TANGO6: variants seen among roughly 807,000 people sequenced by gnomAD.
TANGO6 encodes the protein transport and golgi organization 6 homolog, also known as transport and Golgi organization protein 6 homolog.
Under a neutral mutation model 114.2 loss-of-function variants are expected in TANGO6, and 90 were observed. The observed-to-expected ratio is 0.79, with a 90% confidence interval of 0.66 to 0.94. TANGO6 has a LOEUF of 0.94. Ranked by LOEUF, TANGO6 falls within the 40% of genes least tolerant of loss-of-function variation. TANGO6 has a pLI of 0.00. For synonymous variants in TANGO6, 477 were observed against 509.8 expected (o/e 0.94, Z 0.87); for missense variants, 1,274 against 1,315.3 (o/e 0.97, Z 0.49).
chr16:68,964,836 T>C (rs1186308365), intron 14 of TANGO6, among the ~76,000 whole-genome samples: 2 of 152,138 alleles, frequency 1.3e-5, no homozygotes, highest in Non-Finnish European at 2.9e-5. Flanking sequence ...TCTCAAATGC[T>C]GGGATTACAG....
At position 68,856,905 on chromosome 16, in the gene TANGO6, C is replaced by T. The variant is rs944381676; in HGVS notation, c.95-2979C>T. Among the ~76,000 whole-genome samples, 5 of 152,086 alleles carry T rather than the reference C, an allele frequency of 3.3e-5. No homozygotes were observed. The East Asian group carries it at 5.8e-4, about 18-fold the overall frequency. On this transcript the variant is annotated intron_variant, in intron 1 of 17. Coordinates refer to ENST00000261778, the MANE Select transcript of TANGO6 (RefSeq NM_024562.2). ...TGGGCGGATCACGAGGTCAGGAGAT[C>T]GAGACCGTCCTGGCTAACACGGTGA... is the stretch of plus-strand genomic sequence containing the variant.
rs1460119386 is a variant in TANGO6, at chr16:68,880,580, A to G, written c.1327A>G (p.Ile443Val). Residue 443 changes from isoleucine to valine, a missense_variant, in exon 7 of 18, where the codon ATT becomes GTT. Physicochemically the swap from Ile to Val is conservative, Grantham distance 29. This residue lies in a region of TANGO6 where 908 missense variants were observed against 910.2 expected (regional missense o/e 1.00). Transcript: ENST00000261778. ...LSESDMVPGT[I>V]LVTEEELSRC... is the part of the protein sequence containing the mutation. ...AGAGAGTGACATGGTACCAGGAACT[A>G]TTTTGGTGACAGAAGAAGAACTTAG... 6.2e-7 allele frequency: 1 copy of G among 1,612,918 alleles called. No homozygotes were observed. Among genetic ancestry groups the G allele is most frequent in the Non-Finnish European group, 8.5e-7 (1 of 1,179,420 alleles).
intron 17 of TANGO6, among the ~76,000 whole-genome samples, chr16:69,069,973 G>T (rs539836147): frequency 6.6e-6 from 1 of 150,854 alleles, no homozygotes; most frequent in Non-Finnish European, 1.5e-5. Flanking sequence ...TTGGGAGGCC[G>T]AGGCGGGCAG....
At chr16:68,950,609 C>G (rs1963462504) in intron 14 of TANGO6, among the ~76,000 whole-genome samples, 1 of 150,702 alleles carries the variant, frequency 6.6e-6, no homozygotes, top group African/African-American at 2.4e-5. Context: ...ACCTGTAGTC[C>G]CAGCACTTTG....
chr16:68,855,980 A>G (rs975566743), intron 1 of TANGO6, among the ~76,000 whole-genome samples: 2 of 151,698 alleles, frequency 1.3e-5, no homozygotes, highest in Non-Finnish European at 1.5e-5. Flanking sequence ...TATTGCTTGT[A>G]TTCTGTGAAC....
chr16:68,893,971 C>T (rs1218407430), intron 7 of TANGO6, among the ~76,000 whole-genome samples: 3 of 152,140 alleles, frequency 2.0e-5, no homozygotes, highest in Non-Finnish European at 4.4e-5. Context: ...TCAGGCCCTG[C>T]CCTCCATGGG....
At chr16:68,912,980 T>G (rs139575245) in intron 11 of TANGO6, among the ~76,000 whole-genome samples, 1 of 148,010 alleles carries the variant, frequency 6.8e-6, no homozygotes, top group Non-Finnish European at 1.5e-5. Flanking sequence ...TTCGGAAGGC[T>G]GAGGCATGAA....
intron 12 of TANGO6, among the ~76,000 whole-genome samples, chr16:68,922,243 A>T (rs954748214): frequency 5.7e-5 from 8 of 141,142 alleles, no homozygotes; most frequent in Non-Finnish European, 1.1e-4. Flanking sequence ...AAACAAAATT[A>T]AAAAAAAAAA....
At chr16:68,876,684 GGT>G (rs2152168336) in intron 5 of TANGO6, among the ~76,000 whole-genome samples, 1 of 152,122 alleles carries the variant, frequency 6.6e-6, no homozygotes, top group African/African-American at 2.4e-5. Flanking sequence ...GGCCAAGCGT[GGT>G]GGTGCACACC....
chr16:68,920,777 C>G (rs1384098657), intron 12 of TANGO6, among the ~76,000 whole-genome samples: 6 of 151,836 alleles, frequency 4.0e-5, no homozygotes, highest in African/African-American at 1.5e-4. Flanking sequence ...CTTAGCACTT[C>G]TAATTATATA....
intron 15 of TANGO6, among the ~76,000 whole-genome samples, chr16:68,992,095 G>T (rs1442033120): frequency 6.6e-6 from 1 of 151,994 alleles, no homozygotes; most frequent in Non-Finnish European, 1.5e-5. Flanking sequence ...TAATATATAT[G>T]AAATCGCTTA....
At chr16:68,968,920 T>C (rs543724651) in intron 14 of TANGO6, among the ~76,000 whole-genome samples, 1 of 152,232 alleles carries the variant, frequency 6.6e-6, no homozygotes, top group East Asian at 1.9e-4. Flanking sequence ...TCCGCCCGCC[T>C]CGGCCTCCCA....
At chr16:68,963,527 G>T (rs1295119517) in intron 14 of TANGO6, among the ~76,000 whole-genome samples, 1 of 152,136 alleles carries the variant, frequency 6.6e-6, no homozygotes, top group Non-Finnish European at 1.5e-5. Context: ...TATAAATAAA[G>T]TGCTTACACA....
intron 14 of TANGO6, chr16:68,973,183 C>T (rs1963726482): frequency 2.2e-6 from 1 of 455,754 alleles, no homozygotes; most frequent in Non-Finnish European, 4.4e-6. Flanking sequence ...ATTGGAGAAA[C>T]CCAAAGCAGA....
At chr16:68,898,946 C>A (rs1567534841) in intron 7 of TANGO6, among the ~76,000 whole-genome samples, 4 of 144,988 alleles carry the variant, frequency 2.8e-5, no homozygotes, top group South Asian at 2.3e-4. Flanking sequence ...AATTATCTGC[C>A]TTATTATTAT....
chr16:69,003,237 A>G (rs917352953), intron 15 of TANGO6, among the ~76,000 whole-genome samples: 1 of 152,164 alleles, frequency 6.6e-6, no homozygotes, highest in South Asian at 2.1e-4. Flanking sequence ...AGCAGTTTTT[A>G]TAAGATCTAG....
intron 17 of TANGO6, among the ~76,000 whole-genome samples, chr16:69,081,311 C>A (rs958510838): frequency 6.6e-6 from 1 of 151,468 alleles, no homozygotes; most frequent in African/African-American, 2.4e-5. Flanking sequence ...CACATGACCC[C>A]CTGTGGCCCA....
rs542778150 is a variant in TANGO6 at position 68,935,823 on chromosome 16, A to T, written c.2701+5528A>T. Among the ~76,000 whole-genome samples, 227 of 152,328 alleles carry T rather than the reference A, an allele frequency of 1.5e-3. 1 individual carries two copies. Among genetic ancestry groups the T allele is most frequent in the Admixed American group, 3.5e-3 (54 of 15,300 alleles). ...TTCTCAATGTTTTTAAAAAATTTCA[A>T]CAAGAATGAAGTATATAAGGTAAAA... On this transcript the variant is annotated intron_variant, in intron 14 of 17. Transcript: ENST00000261778.
At chr16:69,013,467 A>C (rs965092286) in intron 15 of TANGO6, among the ~76,000 whole-genome samples, 3 of 152,078 alleles carry the variant, frequency 2.0e-5, no homozygotes, top group Middle Eastern at 3.4e-3. Context: ...ATATACAAAA[A>C]TCAGCTGGGC....
Sources: allele counts gnomAD v4.1 joint callset (sites outside exome capture counted in the v4.1 genomes callset), GRCh38; gene constraint gnomAD v4.1.1; regional missense constraint gnomAD v4.1.1; transcripts MANE v1.5; gene names NCBI Gene and HGNC (gene_info 2026-07-23, HGNC 2026-07-21).